Variants in SLC4A10 observed in about 807,000 individuals in gnomAD.
The protein encoded by SLC4A10 is solute carrier family 4 member 10.
In SLC4A10, 42 loss-of-function variants were observed where a neutral mutation model predicts 137.7. That is an observed-to-expected ratio of 0.30 (90% confidence interval 0.24 to 0.39). The LOEUF is 0.39. Among genes scored for constraint, SLC4A10 ranks in the 10% least tolerant of loss-of-function variants. SLC4A10 has a pLI of 1.00. For synonymous variants in SLC4A10, 474 were observed against 464.1 expected, an observed-to-expected ratio of 1.02 and a Z score of -0.27; for missense variants, 925 against 1,355.0, an observed-to-expected ratio of 0.68 and a Z score of 4.98.
intron 26 of SLC4A10, among the ~76,000 whole-genome samples, chr2:161,981,977 A>C (rs998286502): frequency 1.3e-5 from 2 of 152,164 alleles, no homozygotes; most frequent in African/African-American, 4.8e-5. Flanking sequence ...GAATTGGAGG[A>C]AAAACAATTT....
At chr2:161,774,639 T>C (rs1025219268) in intron 2 of SLC4A10, among the ~76,000 whole-genome samples, 2 of 151,832 alleles carry the variant, frequency 1.3e-5, no homozygotes, top group African/African-American at 2.4e-5. Context: ...CATGACCCTG[T>C]AGTCAATGAA....
At chr2:161,841,660 C>T (rs1390070839) in intron 4 of SLC4A10, among the ~76,000 whole-genome samples, 1 of 152,106 alleles carries the variant, frequency 6.6e-6, no homozygotes, top group Non-Finnish European at 1.5e-5. Flanking sequence ...TTACAGCTCT[C>T]CTTTATTTAA....
intron 10 of SLC4A10, among the ~76,000 whole-genome samples, chr2:161,893,909 G>A (rs1029261823): frequency 8.6e-5 from 13 of 151,686 alleles, no homozygotes; most frequent in African/African-American, 2.9e-4. Context: ...TATCATAAGT[G>A]GAAACTATGT....
At chr2:161,691,362 CAA>C (rs906879594) in intron 1 of SLC4A10, among the ~76,000 whole-genome samples, 15 of 133,860 alleles carry the variant, frequency 1.1e-4, no homozygotes, top group African/African-American at 3.0e-4. Flanking sequence ...TTAATGGGTG[CAA>C]AAAAAAAAAT....
intron 10 of SLC4A10, among the ~76,000 whole-genome samples, chr2:161,886,417 T>C (rs2062291321): frequency 6.6e-6 from 1 of 152,158 alleles, no homozygotes; most frequent in South Asian, 2.1e-4. Flanking sequence ...TGGTTCAATC[T>C]GAATCTTGAG....
At chr2:161,737,272 T>G (rs987755627) in intron 1 of SLC4A10, among the ~76,000 whole-genome samples, 3 of 152,338 alleles carry the variant, frequency 2.0e-5, no homozygotes, top group African/African-American at 7.2e-5. Flanking sequence ...TCTTTTTAAC[T>G]TAGTTTTTGC....
At chr2:161,692,062 G>T (rs1427123500) in intron 1 of SLC4A10, among the ~76,000 whole-genome samples, 2 of 151,922 alleles carry the variant, frequency 1.3e-5, no homozygotes, top group Non-Finnish European at 2.9e-5. Context: ...AGAAGTTGGG[G>T]AAAATTTTAT....
chr2:161,966,610 A>G (rs1459549973), intron 23 of SLC4A10, among the ~76,000 whole-genome samples: 1 of 152,002 alleles, frequency 6.6e-6, no homozygotes, highest in African/African-American at 2.4e-5. Context: ...TTAGCTGGGC[A>G]TGGTGGTGCA....
chr2:161,652,119 GT>G (rs1188392139), intron 1 of SLC4A10, among the ~76,000 whole-genome samples: 7 of 152,164 alleles, frequency 4.6e-5, no homozygotes, highest in African/African-American at 9.7e-5. Flanking sequence ...CACTCATTAA[GT>G]CCAGCCCATA....
At chr2:161,943,030 A>G (rs180705077) in intron 16 of SLC4A10, 133 bp downstream of exon 16, 2 of 646,142 alleles carry the variant, frequency 3.1e-6, no homozygotes, top group South Asian at 1.9e-5. Flanking sequence ...TTTTAATTTC[A>G]TCATTTCAGA....
intron 1 of SLC4A10, among the ~76,000 whole-genome samples, chr2:161,719,688 CATAA>C (rs2045400853): frequency 6.6e-6 from 1 of 152,172 alleles, no homozygotes; most frequent in Admixed American, 6.5e-5. Context: ...CTGTTGGCTG[CATAA>C]ATGTCTTCTT....
intron 10 of SLC4A10, 62 bp downstream of exon 10, chr2:161,882,506 G>T: frequency 9.5e-7 from 1 of 1,048,336 alleles, no homozygotes; most frequent in African/African-American, 1.6e-5. Flanking sequence ...ACTTTTGGAG[G>T]TCCTCTTTTC....
intron 10 of SLC4A10, among the ~76,000 whole-genome samples, chr2:161,887,263 C>T (rs983614691): frequency 4.0e-5 from 6 of 151,648 alleles, no homozygotes; most frequent in African/African-American, 9.7e-5. Flanking sequence ...CGCAGTAGTA[C>T]GTTTATATCT....
At chr2:161,970,882 G>A (rs987117680) in intron 23 of SLC4A10, among the ~76,000 whole-genome samples, 19 of 152,178 alleles carry the variant, frequency 1.2e-4, no homozygotes, top group South Asian at 2.1e-4. Flanking sequence ...TATCTCTTCC[G>A]CCTCTACTCA....
intron 2 of SLC4A10, among the ~76,000 whole-genome samples, chr2:161,771,525 TG>T (rs2051613170): frequency 6.6e-6 from 1 of 151,760 alleles, no homozygotes; most frequent in Non-Finnish European, 1.5e-5. Flanking sequence ...TATGGCCCGG[TG>T]GTTAACTGTA....
chr2:161,807,495 T>A (rs1313325481), intron 3 of SLC4A10, among the ~76,000 whole-genome samples: 1 of 152,164 alleles, frequency 6.6e-6, no homozygotes, highest in African/African-American at 2.4e-5. Context: ...AATTCATTTA[T>A]CTTTCTGTCT....
At chr2:161,768,552 G>A (rs911482362) in intron 1 of SLC4A10, among the ~76,000 whole-genome samples, 18 of 151,852 alleles carry the variant, frequency 1.2e-4, no homozygotes, top group African/African-American at 3.4e-4. Context: ...GCTCAAGTAC[G>A]GACATTTATA....
intron 15 of SLC4A10, among the ~76,000 whole-genome samples, chr2:161,940,843 C>A (rs1170882178): frequency 6.6e-6 from 1 of 152,180 alleles, no homozygotes; most frequent in Non-Finnish European, 1.5e-5. Flanking sequence ...GTGGCTTACA[C>A]CTGTAATCCC....
chr2:161,903,407 C>G (rs766746262), intron 12 of SLC4A10, among the ~76,000 whole-genome samples: 24 of 152,156 alleles, frequency 1.6e-4, no homozygotes, highest in Non-Finnish European at 3.5e-4. Context: ...TCTGTCTCTA[C>G]TAAGTATTGC....
Sources: gnomAD v4.1 joint callset for allele counts (sites outside exome capture counted in the v4.1 genomes callset) on GRCh38, gnomAD v4.1.1 for gene constraint, MANE v1.5 for transcripts, NCBI Gene and HGNC (gene_info 2026-07-23, HGNC 2026-07-21) for gene names.